PKD1L3: variants seen among roughly 807,000 people sequenced by gnomAD.
PKD1L3 encodes polycystin 1 like 3, transient receptor potential channel interacting.
A neutral mutation model predicts 184.1 loss-of-function variants in PKD1L3; 239 were observed. The observed-to-expected ratio is 1.30, with a 90% confidence interval of 1.17 to 1.45. The LOEUF (loss-of-function observed/expected upper bound fraction) is 1.45, where lower values mean the gene tolerates loss of function less well. PKD1L3 is among the 40% of genes most tolerant of loss of function. The pLI is 0.00. For synonymous variants in PKD1L3, 996 were observed against 778.8 expected, an observed-to-expected ratio of 1.28 and a Z score of -4.64; for missense variants, 2,660 against 2,067.2, an observed-to-expected ratio of 1.29 and a Z score of -5.56.
At chr16:71,943,169 T>A in intron 23 of PKD1L3, 145 bp from the exon 24 acceptor site, 1 of 621,448 alleles carries the variant, frequency 1.6e-6, no homozygotes, top group Non-Finnish European at 2.8e-6. Flanking sequence ...AATCTAATAA[T>A]TATAAATACA....
At chr16:71,958,327 C>A (rs1272511593) in intron 16 of PKD1L3, among the ~76,000 whole-genome samples, 2 of 141,932 alleles carry the variant, frequency 1.4e-5, no homozygotes, top group East Asian at 4.2e-4. Context: ...GCGGAGCTTG[C>A]AGTGAGCCGA....
At chr16:71,963,739 C>T (rs770789699) in intron 15 of PKD1L3, among the ~76,000 whole-genome samples, 2 of 152,074 alleles carry the variant, frequency 1.3e-5, no homozygotes, top group Non-Finnish European at 2.9e-5. Context: ...GTTGAAATTG[C>T]ACCACTGCAT....
At chr16:71,966,708 A>G (rs1252276563) in intron 15 of PKD1L3, among the ~76,000 whole-genome samples, 1 of 152,200 alleles carries the variant, frequency 6.6e-6, no homozygotes, top group Admixed American at 6.5e-5. Flanking sequence ...CTGGGATTAC[A>G]GGCGTGAGCT....
chr16:71,977,668 A>G (rs1293955974), intron 10 of PKD1L3, among the ~76,000 whole-genome samples: 1 of 149,918 alleles, frequency 6.7e-6, no homozygotes, highest in Admixed American at 6.7e-5. Flanking sequence ...AAATGCTAGG[A>G]TTATATGCAT....
At chr16:71,992,316 T>C (rs1363421919) in intron 3 of PKD1L3, among the ~76,000 whole-genome samples, 1 of 152,236 alleles carries the variant, frequency 6.6e-6, no homozygotes. Context: ...CTTGACAATA[T>C]AAACTTAAAG....
intron 11 of PKD1L3, 73 bp downstream of exon 11, chr16:71,977,163 T>C: frequency 8.6e-7 from 1 of 1,157,494 alleles, no homozygotes; most frequent in Non-Finnish European, 1.3e-6. Context: ...CAGTCAACAA[T>C]GATGGTGCCA....
intron 12 of PKD1L3, among the ~76,000 whole-genome samples, chr16:71,973,018 C>T (rs1181327944): frequency 2.6e-5 from 4 of 152,198 alleles, no homozygotes; most frequent in Non-Finnish European, 4.4e-5. Context: ...CCACCCACAA[C>T]ATATTTAATA....
intron 22 of PKD1L3, 41 bp from the exon 23 acceptor site, chr16:71,944,211 T>C: frequency 6.7e-7 from 1 of 1,503,178 alleles, no homozygotes; most frequent in Non-Finnish European, 9.0e-7. Context: ...ATGTTATATT[T>C]CATTAAGCAG....
chr16:71,942,216 C>T (rs1233506083), intron 24 of PKD1L3, among the ~76,000 whole-genome samples: 1 of 151,982 alleles, frequency 6.6e-6, no homozygotes, highest in Non-Finnish European at 1.5e-5. Context: ...CCTGTAATCC[C>T]AGTTACTTGG....
intron 11 of PKD1L3, 113 bp downstream of exon 11, chr16:71,977,123 G>T: frequency 1.3e-6 from 1 of 786,314 alleles, no homozygotes; most frequent in Non-Finnish European, 2.1e-6. Flanking sequence ...TAAGGCAGGA[G>T]GATCCCCTGA....
chr16:71,997,703 G>A (rs2040840528), intron 2 of PKD1L3, among the ~76,000 whole-genome samples: 3 of 152,024 alleles, frequency 2.0e-5, no homozygotes. Flanking sequence ...AGCCGAGATT[G>A]TGCCATTGCA....
At position 71,935,526 on chromosome 16, in the gene PKD1L3, T is replaced by C. The variant is rs950452045; in HGVS notation, c.4453-8A>G. ...CTGTTTCAGCTGACAACCCTAAACA[T>C]AGACAGCACAGTCACTGTTGCTTGT... On this transcript the variant is annotated splice_polypyrimidine_tract_variant and splice_region_variant and intron_variant, in intron 25 of 29. Coordinates refer to ENST00000620267, the MANE Select transcript of PKD1L3 (RefSeq NM_181536.2). The C allele has an allele frequency of 1.5e-5, 24 of 1,551,360 alleles. No individual in the cohort carries two copies. The highest frequency in any genetic ancestry group is 1.7e-4 in the Middle Eastern group (1 of 6,014).
rs2038965277 is a variant in PKD1L3, at chr16:71,954,308, A to G, written c.2613-7T>C. The G allele has an allele frequency of 6.6e-7, 1 of 1,516,024 alleles. No individual in the cohort carries two copies. The allele number at this position is 1,516,024 out of a possible 1,614,324, so 93.9% of individuals were successfully genotyped here. On this transcript the variant is annotated splice_region_variant and splice_polypyrimidine_tract_variant and intron_variant, in intron 16 of 29. Coordinates refer to ENST00000620267, the MANE Select transcript of PKD1L3 (RefSeq NM_181536.2). ...CATGGAGGAAAACAGATGTCTGAAA[A>G]GAGAAATCAGAAGAGGAAATACATG...
At chr16:71,979,504 AACACAAC>A (rs1431438484) in intron 9 of PKD1L3, among the ~76,000 whole-genome samples, 16 of 152,096 alleles carry the variant, frequency 1.1e-4, no homozygotes, top group Non-Finnish European at 1.9e-4. Flanking sequence ...GAAAACAAAA[AACACAAC>A]AACAAAAAAC....
intron 22 of PKD1L3, among the ~76,000 whole-genome samples, chr16:71,945,522 T>A (rs2038569279): frequency 6.6e-6 from 1 of 150,618 alleles, no homozygotes; most frequent in Admixed American, 6.6e-5. Flanking sequence ...CTACTAAAAA[T>A]AAAAAGTTAT....
chr16:71,934,192 C>T lies in PKD1L3; in HGVS notation c.4614-67G>A, dbSNP rs2038094108. ...TGCCTATACTGCAGTTTCCCCAGCG[C>T]CCCTGCTGCTGATCGTGGCAGCCCT... is the stretch of plus-strand genomic sequence containing the variant. On this transcript the variant is annotated intron_variant, in intron 26 of 29. Coordinates refer to ENST00000620267, the MANE Select transcript of PKD1L3 (RefSeq NM_181536.2). The T allele has an allele frequency of 4.2e-6, 6 of 1,441,592 alleles. No homozygotes were observed. In the Middle Eastern group the frequency reaches 8.8e-4, roughly 211 times the overall value. 89.3% of individuals were successfully genotyped at this position (1,441,592 alleles called of 1,614,324 possible).
At position 71,952,987 on chromosome 16, in the gene PKD1L3, C is replaced by G; in HGVS notation, c.2916G>C (p.Glu972Asp). The G allele has an allele frequency of 6.5e-7, 1 of 1,549,608 alleles. No individual in the cohort carries two copies. Among genetic ancestry groups the G allele is most frequent in the Non-Finnish European group, 8.7e-7 (1 of 1,146,238 alleles). Residue 972 changes from glutamate to aspartate, a missense_variant, in exon 18 of 30, where the codon GAG (glutamate) becomes GAC (aspartate). Coordinates refer to ENST00000620267, the MANE Select transcript of PKD1L3 (RefSeq NM_181536.2). ...GAAAGAGGGGCAGAGTCTCCTGTGG[C>G]TCAATCAACGGGAAGAGCCGCCCTA... is the stretch of plus-strand genomic sequence containing the variant. ...LVIGRLFPLIEPQETLPLFPP... is the reference protein window; with the variant it reads ...LVIGRLFPLIDPQETLPLFPP...
intron 4 of PKD1L3, 39 bp downstream of exon 4, chr16:71,990,241 C>T: frequency 1.4e-6 from 2 of 1,479,096 alleles, no homozygotes; most frequent in Non-Finnish European, 1.8e-6. Context: ...ACAAAGAGAT[C>T]AACATTTCAC....
intron 10 of PKD1L3, among the ~76,000 whole-genome samples, chr16:71,977,840 T>A (rs1404476387): frequency 6.6e-6 from 1 of 152,204 alleles, no homozygotes; most frequent in Non-Finnish European, 1.5e-5. Flanking sequence ...AGCAGTGCGA[T>A]CTCAGCTCAC....
Sources: gnomAD v4.1 joint callset for allele counts (sites outside exome capture counted in the v4.1 genomes callset) on GRCh38, gnomAD v4.1.1 for gene constraint, MANE v1.5 for transcripts, NCBI Gene and HGNC (gene_info 2026-07-23, HGNC 2026-07-21) for gene names.